PCGF6: variants seen among roughly 807,000 people sequenced by gnomAD.
The protein encoded by PCGF6 is polycomb group RING finger protein 6.
PCGF6 carries 24 observed loss-of-function variants against 45.5 expected under a neutral mutation model. The observed-to-expected ratio is 0.53, with a 90% CI of 0.38 to 0.74. The LOEUF (loss-of-function observed/expected upper bound fraction) is 0.74, where lower values mean the gene tolerates loss of function less well. Among genes scored for constraint, PCGF6 ranks in the 30% least tolerant of loss-of-function variants. The pLI is 0.00. For missense variants in PCGF6, 356 were observed against 443.2 expected (o/e 0.80, Z 1.77); for synonymous variants, 152 against 162.1 (o/e 0.94, Z 0.47).
intron 9 of PCGF6, among the ~76,000 whole-genome samples, chr10:103,305,886 C>T (rs1474735194): frequency 6.8e-6 from 1 of 147,488 alleles, no homozygotes. Flanking sequence ...CCCCTCTCTA[C>T]TTATATAATT....
intron 8 of PCGF6, 33 bp downstream of exon 8, chr10:103,326,501 C>A (rs2093219252): frequency 3.6e-6 from 5 of 1,401,260 alleles, no homozygotes; most frequent in Non-Finnish European, 2.9e-6. Flanking sequence ...AAGCTCACAA[C>A]TTTACCTATT....
At chr10:103,341,864 A>C (rs2093282049) in intron 6 of PCGF6, among the ~76,000 whole-genome samples, 1 of 152,122 alleles carries the variant, frequency 6.6e-6, no homozygotes, top group African/African-American at 2.4e-5. Flanking sequence ...ATTCAAACAC[A>C]ATGGCAAGTA....
At position 103,351,059 on chromosome 10, in the gene PCGF6, C is replaced by A. The variant is rs201686526; in HGVS notation, c.8G>T (p.Gly3Val). The change falls in exon 1 of 10, where the codon GGG (glycine) becomes GTG (valine). Residue 3 changes from glycine to valine, a missense_variant. Gly to Val is a moderately radical substitution (Grantham distance 109, BLOSUM62 -3). This residue lies in a region of PCGF6 where 307 missense variants were observed against 350.1 expected (regional missense o/e 0.88). Coordinates refer to ENST00000369847, the MANE Select transcript of PCGF6 (RefSeq NM_001011663.2). The stretch of plus-strand genomic sequence containing the variant: ...GCTGCCCGCCGTCACCACCGCGACC[C>A]CCTCCATGGTCGGGAGAGACACCAG... ME[G>V]VAVVTAGSVG... 2.9e-5 allele frequency: 40 copies of A among 1,390,648 alleles called. No individual in the cohort carries two copies. The highest frequency in any genetic ancestry group is 1.8e-5 in the South Asian group (1 of 56,656). 86.1% of individuals were successfully genotyped at this position (1,390,648 alleles called of 1,614,324 possible). A position where few individuals can be genotyped will look rare whatever the true frequency, so the allele number is the denominator to read the frequency against.
chr10:103,326,497 A>T, intron 8 of PCGF6, 37 bp downstream of exon 8: 1 of 1,376,094 alleles, frequency 7.3e-7, no homozygotes, highest in Non-Finnish European at 1.0e-6. Context: ...AGGTAAGCTC[A>T]CAACTTTACC....
At chr10:103,348,612 C>T in intron 3 of PCGF6, 104 bp downstream of exon 3, 1 of 888,376 alleles carries the variant, frequency 1.1e-6, no homozygotes, top group South Asian at 1.8e-5. Flanking sequence ...GCATTAGCCA[C>T]TGAACCCATC....
intron 6 of PCGF6, among the ~76,000 whole-genome samples, chr10:103,342,276 C>A (rs2093283745): frequency 6.6e-6 from 1 of 151,258 alleles, no homozygotes; most frequent in Admixed American, 6.6e-5. Flanking sequence ...TCTCATTGCC[C>A]AGGCTGGAGT....
intron 6 of PCGF6, among the ~76,000 whole-genome samples, chr10:103,339,994 T>C (rs1592073857): frequency 8.9e-6 from 1 of 112,576 alleles, no homozygotes; most frequent in Non-Finnish European, 1.8e-5. Flanking sequence ...AAACCCCGCC[T>C]CTACTAAAAA....
intron 7 of PCGF6, among the ~76,000 whole-genome samples, chr10:103,327,487 T>C (rs1208239346): frequency 1.3e-5 from 2 of 152,154 alleles, no homozygotes; most frequent in Non-Finnish European, 2.9e-5. Flanking sequence ...AAGTAGTACA[T>C]GAATATCTGA....
chr10:103,347,171 AG>A, intron 5 of PCGF6, 66 bp downstream of exon 5: 1 of 1,261,142 alleles, frequency 7.9e-7, no homozygotes, highest in Non-Finnish European at 1.1e-6. Flanking sequence ...GGAACTTCAA[AG>A]GGCATATATT....
intron 8 of PCGF6, among the ~76,000 whole-genome samples, chr10:103,316,207 A>G (rs1222472641): frequency 6.6e-6 from 1 of 151,768 alleles, no homozygotes; most frequent in Admixed American, 6.6e-5. Flanking sequence ...CTTTCTTCCT[A>G]TCTCTTGAAT....
intron 8 of PCGF6, among the ~76,000 whole-genome samples, chr10:103,321,395 T>C (rs377377192): frequency 6.6e-6 from 1 of 152,294 alleles, no homozygotes. Context: ...AGAGAAATAC[T>C]GTACAAGATG....
chr10:103,309,491 C>A (rs2093149089), intron 9 of PCGF6, among the ~76,000 whole-genome samples: 1 of 152,160 alleles, frequency 6.6e-6, no homozygotes, highest in Non-Finnish European at 1.5e-5. Flanking sequence ...GGAAGCTAAG[C>A]TGCTATGATT....
chr10:103,304,164 T>C (rs2093129272), intron 9 of PCGF6, among the ~76,000 whole-genome samples: 1 of 147,912 alleles, frequency 6.8e-6, no homozygotes, highest in Admixed American at 6.9e-5. Context: ...TGAGACAGAG[T>C]CTCACTCTGT....
At chr10:103,349,318 G>T (rs2093311354) in intron 1 of PCGF6, among the ~76,000 whole-genome samples, 1 of 151,836 alleles carries the variant, frequency 6.6e-6, no homozygotes, top group Non-Finnish European at 1.5e-5. Flanking sequence ...AAAGTGCTAG[G>T]ATTACAAGCA....
At chr10:103,350,624 C>A (rs554204317) in intron 1 of PCGF6, 83 bp downstream of exon 1, 41 of 1,311,258 alleles carry the variant, frequency 3.1e-5, no homozygotes, top group Middle Eastern at 5.8e-4. Flanking sequence ...GCACTAGGAT[C>A]GGGCCGGCGC....
chr10:103,335,226 A>C (rs983662080), intron 6 of PCGF6, among the ~76,000 whole-genome samples: 1 of 151,776 alleles, frequency 6.6e-6, no homozygotes, highest in Non-Finnish European at 1.5e-5. Flanking sequence ...TAAAAAAAAA[A>C]AAAAATTTTA....
intron 3 of PCGF6, 88 bp from the exon 4 acceptor site, chr10:103,347,538 G>T (rs2093303983): frequency 2.8e-6 from 3 of 1,071,894 alleles, no homozygotes; most frequent in African/African-American, 1.6e-5. Context: ...TCTCTTGAGA[G>T]TGGGTATCTT....
At position 103,334,642 on chromosome 10, in the gene PCGF6, T is replaced by G. The variant is rs375384815; in HGVS notation, c.783-690A>C. Among the ~76,000 whole-genome samples the G allele has an allele frequency of 1.3e-3, 196 of 152,326 alleles. 1 individual carries two copies. Among genetic ancestry groups the G allele is most frequent in the African/African-American group, 4.6e-3 (190 of 41,568 alleles). ...CTGCTATGCTTCCTATTGCTTTTTT[T>G]GCAGAATAATTACCTGGACATAATT... On this transcript the variant is annotated intron_variant, in intron 6 of 9. Coordinates refer to ENST00000369847, the MANE Select transcript of PCGF6 (RefSeq NM_001011663.2).
chr10:103,344,327 G>A (rs1007455194), intron 6 of PCGF6, among the ~76,000 whole-genome samples: 9 of 150,390 alleles, frequency 6.0e-5, no homozygotes, highest in Non-Finnish European at 1.0e-4. Context: ...ACTGGAGTGC[G>A]GTGGCACGAC....
Sources: gnomAD v4.1 joint callset for allele counts (sites outside exome capture counted in the v4.1 genomes callset) on GRCh38, gnomAD v4.1.1 for gene constraint, gnomAD v4.1.1 regional missense constraint, MANE v1.5 for transcripts, NCBI Gene and HGNC (gene_info 2026-07-23, HGNC 2026-07-21) for gene names.